The following UTP20 variants were observed in gnomAD, a reference collection of about 807,000 sequenced individuals.
UTP20 encodes UTP20 small subunit processome component, also known as small subunit processome component 20 homolog.
In UTP20, 164 loss-of-function variants were observed where a neutral mutation model predicts 329.5. The observed-to-expected ratio is 0.50, with a 90% CI of 0.44 to 0.57. The LOEUF (loss-of-function observed/expected upper bound fraction) is 0.57. UTP20 is among the 20% of genes least tolerant of loss of function. The pLI, the probability that UTP20 is intolerant of heterozygous loss-of-function variation, is 0.00. For synonymous variants in UTP20, 1,151 were observed against 1,159.3 expected (o/e 0.99, Z 0.14); for missense variants, 3,055 against 3,284.2 (o/e 0.93, Z 1.71).
chr12:101,381,236 T>C (rs1870635569), intron 58 of UTP20, 25 bp downstream of exon 58: 1 of 1,597,058 alleles, frequency 6.3e-7, no homozygotes, highest in African/African-American at 1.3e-5. Context: ...TCTCCCAGTT[T>C]AAAAGAAGGG....
chr12:101,295,401 G>C, intron 11 of UTP20, 79 bp from the exon 12 acceptor site: 1 of 1,288,132 alleles, frequency 7.8e-7, no homozygotes, highest in Non-Finnish European at 1.0e-6. Flanking sequence ...CTTTGTTTTT[G>C]GTCTAGTTTT....
Position 101,344,754 on chromosome 12 carries a change from T to A in UTP20, c.4605+4T>A. On this transcript the variant is annotated splice_donor_region_variant and intron_variant, in intron 36 of 61. Coordinates refer to ENST00000261637, the MANE Select transcript of UTP20 (RefSeq NM_014503.3). ...AGGTCTGAAGAGCCAGACAGAGGTA[T>A]ATAACTTTGTGTTTTAGGCACTACT... The A allele has an allele frequency of 6.2e-7, 1 of 1,612,430 alleles. No individual in the cohort carries two copies. The highest frequency in any genetic ancestry group is 8.5e-7 in the Non-Finnish European group (1 of 1,179,236).
At chr12:101,355,322 T>C (rs1375315779) in intron 41 of UTP20, among the ~76,000 whole-genome samples, 1 of 152,186 alleles carries the variant, frequency 6.6e-6, no homozygotes, top group African/African-American at 2.4e-5. Flanking sequence ...GCTCCTTCTT[T>C]ATGATTTTGA....
At position 101,324,008 on chromosome 12, in the gene UTP20, G is replaced by A. The variant is rs559197373; in HGVS notation, c.3041+2379G>A. Among the ~76,000 whole-genome samples, 13 of 151,930 alleles carry A rather than the reference G, an allele frequency of 8.6e-5. No individual in the cohort carries two copies. In the South Asian group the frequency reaches 2.5e-3, roughly 29 times the overall value. On this transcript the variant is annotated intron_variant, in intron 25 of 61. Coordinates refer to ENST00000261637, the MANE Select transcript of UTP20 (RefSeq NM_014503.3). ...CAAAATAAGCTGGGCGTGGTGGCAC[G>A]TGCCTGTAATCCCAGCGATTTGGGA...
At chr12:101,344,843 G>T in intron 36 of UTP20, 93 bp downstream of exon 36, 1 of 1,076,678 alleles carries the variant, frequency 9.3e-7, no homozygotes, top group Non-Finnish European at 1.3e-6. Flanking sequence ...AAGTAGTCAG[G>T]CTTAGTGCAT....
At chr12:101,343,219 CT>C in intron 35 of UTP20, 126 bp downstream of exon 35, 1 of 584,694 alleles carries the variant, frequency 1.7e-6, no homozygotes, top group Non-Finnish European at 2.8e-6. Context: ...GATTAAATTT[CT>C]TTTAGATGAA....
intron 40 of UTP20, among the ~76,000 whole-genome samples, chr12:101,354,319 G>GA (rs1354365434): frequency 6.7e-6 from 1 of 149,108 alleles, no homozygotes; most frequent in Non-Finnish European, 1.5e-5. Context: ...GTCATCTGAT[G>GA]AAAACACCAG....
chr12:101,308,226 A>G lies in UTP20; in HGVS notation c.2037A>G (p.Leu679=), dbSNP rs1565789813. 6.2e-7 allele frequency: 1 copy of G among 1,612,732 alleles called. No individual in the cohort carries two copies. Among genetic ancestry groups the G allele is most frequent in the Admixed American group, 1.7e-5 (1 of 59,840 alleles). The change falls in exon 18 of 62, where the codon TTA becomes TTG. Residue 679 remains leucine (L), a synonymous_variant. Coordinates refer to ENST00000261637, the MANE Select transcript of UTP20 (RefSeq NM_014503.3). ...LSERQSVFAI[L]RQAELVPATV... ...AGCGGCAGTCTGTCTTTGCTATATT[A>G]CGCCAGGCAGAACTTGTTCCAGCAA...
chr12:101,365,072 T>TGTG (rs1555202433), intron 45 of UTP20, among the ~76,000 whole-genome samples: 155 of 142,010 alleles, frequency 1.1e-3, no homozygotes, highest in Middle Eastern at 3.5e-3. Flanking sequence ...ATTTTGTTGA[T>TGTG]TGTGTGTGTG....
intron 43 of UTP20, among the ~76,000 whole-genome samples, chr12:101,360,567 G>C (rs917636975): frequency 6.6e-6 from 1 of 152,190 alleles, no homozygotes; most frequent in South Asian, 2.1e-4. Flanking sequence ...GCTCACACCT[G>C]TAATCCCAGC....
At chr12:101,381,395 C>G (rs1239714584) in intron 58 of UTP20, among the ~76,000 whole-genome samples, 184 bp downstream of exon 58, 1 of 152,090 alleles carries the variant, frequency 6.6e-6, no homozygotes, top group African/African-American at 2.4e-5. Flanking sequence ...ATTAGCAGGG[C>G]ATGGTTGCGG....
intron 12 of UTP20, among the ~76,000 whole-genome samples, chr12:101,299,371 T>C (rs939304487): frequency 9.9e-5 from 15 of 152,206 alleles, no homozygotes; most frequent in African/African-American, 3.6e-4. Context: ...AGTCAGTTCA[T>C]TCCAGTGAAT....
intron 8 of UTP20, chr12:101,291,303 C>G (rs1218846570): frequency 6.1e-6 from 1 of 163,302 alleles, no homozygotes; most frequent in Non-Finnish European, 1.3e-5. Context: ...ACCTGTAATC[C>G]CAGCACTTTG....
intron 43 of UTP20, among the ~76,000 whole-genome samples, chr12:101,357,633 G>C (rs1452075579): frequency 2.6e-5 from 4 of 152,118 alleles, no homozygotes; most frequent in Non-Finnish European, 5.9e-5. Context: ...ACACGTTTGT[G>C]GTCCCAGCTA....
At chr12:101,384,174 A>G (rs1400748771) in intron 60 of UTP20, among the ~76,000 whole-genome samples, 1 of 152,236 alleles carries the variant, frequency 6.6e-6, no homozygotes, top group East Asian at 1.9e-4. Context: ...AAAGAAAACT[A>G]TGGTTCAGGG....
intron 6 of UTP20, 74 bp downstream of exon 6, chr12:101,289,115 G>A: frequency 1.1e-5 from 15 of 1,351,606 alleles, no homozygotes; most frequent in Non-Finnish European, 1.5e-5. Context: ...GGTGGCTCAT[G>A]CCTGTAATCC....
At chr12:101,282,945 C>T (rs188765327) in intron 2 of UTP20, among the ~76,000 whole-genome samples, 55 of 152,234 alleles carry the variant, frequency 3.6e-4, no homozygotes, top group Non-Finnish European at 6.0e-4. Context: ...GAGGTTAAGG[C>T]TGAATGGTTG....
chr12:101,296,115 C>G (rs1323224277), intron 12 of UTP20, among the ~76,000 whole-genome samples: 1 of 152,210 alleles, frequency 6.6e-6, no homozygotes, highest in Non-Finnish European at 1.5e-5. Context: ...ATCCATCAAT[C>G]TTATCAGATA....
chr12:101,343,195 A>T (rs1869205842), intron 35 of UTP20, 102 bp downstream of exon 35: 1 of 745,204 alleles, frequency 1.3e-6, no homozygotes, highest in Non-Finnish European at 2.0e-6. Context: ...TTGAGGGGGG[A>T]CAAAGGTTTT....
Sources: gnomAD v4.1 joint callset for allele counts (sites outside exome capture counted in the v4.1 genomes callset) on GRCh38, gnomAD v4.1.1 for gene constraint, MANE v1.5 for transcripts, NCBI Gene and HGNC (gene_info 2026-07-23, HGNC 2026-07-21) for gene names.